The following CHN2 variants were observed in gnomAD, a reference collection of about 807,000 sequenced individuals.
The protein encoded by CHN2 is chimerin 2.
In CHN2, 35 loss-of-function variants were observed where a neutral mutation model predicts 56.3. The ratio of observed to expected loss-of-function variants is 0.62; its 90% CI spans 0.47 to 0.82. The LOEUF (loss-of-function observed/expected upper bound fraction) is 0.82. CHN2 is among the 40% of genes least tolerant of loss of function. The pLI, the probability that CHN2 is intolerant of heterozygous loss-of-function variation, is 0.00. For missense variants in CHN2, 491 were observed against 580.5 expected (o/e 0.85, Z 1.58); for synonymous variants, 210 against 212.8 (o/e 0.99, Z 0.12).
intron 1 of CHN2, among the ~76,000 whole-genome samples, chr7:29,244,843 T>G (rs1031474788): frequency 6.6e-6 from 1 of 152,202 alleles, no homozygotes; most frequent in African/African-American, 2.4e-5. Flanking sequence ...ATAAACCTTC[T>G]AGACCTCAAA....
intron 1 of CHN2, chr7:29,293,003 A>G (rs1343193537): frequency 6.6e-6 from 3 of 456,134 alleles, no homozygotes; most frequent in Non-Finnish European, 1.3e-5. Context: ...TTGCACTCAG[A>G]GCCAGCCTCT....
chr7:29,261,695 A>C (rs1789569506), intron 1 of CHN2, among the ~76,000 whole-genome samples: 1 of 152,228 alleles, frequency 6.6e-6, no homozygotes, highest in Admixed American at 6.5e-5. Context: ...CATTACTGAA[A>C]TTACTTCAAA....
At chr7:29,495,309 A>C (rs1789147723) in intron 7 of CHN2, among the ~76,000 whole-genome samples, 1 of 152,226 alleles carries the variant, frequency 6.6e-6, no homozygotes, top group Non-Finnish European at 1.5e-5. Flanking sequence ...TCAATCAATG[A>C]GACCAGCACT....
intron 2 of CHN2, among the ~76,000 whole-genome samples, chr7:29,153,822 G>A (rs1298723495): frequency 2.6e-5 from 4 of 152,132 alleles, no homozygotes; most frequent in East Asian, 1.9e-4. Context: ...TACCTGCCTC[G>A]GCCTCTCTAA....
rs533863402 is a variant in CHN2, at chr7:29,244,574, G to A, written c.49+49584G>A. Among the ~76,000 whole-genome samples, 15 of 152,312 alleles carry A rather than the reference G, an allele frequency of 9.8e-5. No homozygotes were observed. The South Asian group carries it at 1.7e-3, about 17-fold the overall frequency. Reference sequence around the variant, plus strand: ...ACCTGCACCACCAGGAAGGAGCCCCGATCGATTAGAAATGTCTGCCTTGGG... The same window carrying A: ...ACCTGCACCACCAGGAAGGAGCCCCAATCGATTAGAAATGTCTGCCTTGGG... On this transcript the variant is annotated intron_variant, in intron 1 of 12. Coordinates refer to ENST00000222792, the MANE Select transcript of CHN2 (RefSeq NM_004067.4).
intron 2 of CHN2, among the ~76,000 whole-genome samples, chr7:29,186,135 GCAAATGA>G (rs1382965260): frequency 1.3e-5 from 2 of 152,092 alleles, no homozygotes; most frequent in African/African-American, 4.8e-5. Context: ...CTGCACTCAG[GCAAATGA>G]CTTCTTAGTC....
In CHN2 at chr7:29,512,584, A is replaced by C; in HGVS notation, c.1256A>C (p.Asp419Ala). 6.2e-7 allele frequency: 1 copy of C among 1,612,908 alleles called. No individual in the cohort carries two copies. Among genetic ancestry groups the C allele is most frequent in the South Asian group, 1.1e-5 (1 of 90,712 alleles). Residue 419 changes from aspartate to alanine, a missense_variant, in exon 13 of 13, where the codon GAC becomes GCC. Asp to Ala is a moderately radical substitution (Grantham distance 126, BLOSUM62 -2). Coordinates refer to ENST00000222792, the MANE Select transcript of CHN2 (RefSeq NM_004067.4). Reference sequence around the variant, plus strand: ...TGCAGGGTTACTATGAATGAAAAAGACAATTTCATGAATGCAGAAAATCTG... The same window carrying C: ...TGCAGGGTTACTATGAATGAAAAAGCCAATTTCATGAATGCAGAAAATCTG... The part of the protein sequence containing the change: ...HLKKVTMNEK[D>A]NFMNAENLGI...
At chr7:29,199,717 CAGAGTCTG>C (rs1269834437) in intron 1 of CHN2, 1 of 152,136 alleles carries the variant, frequency 6.6e-6, no homozygotes, top group Non-Finnish European at 1.5e-5. Flanking sequence ...CTGAGTGATA[CAGAGTCTG>C]AGAGGTAAGG....
intron 1 of CHN2, among the ~76,000 whole-genome samples, chr7:29,279,556 G>A (rs540727797): frequency 5.3e-5 from 8 of 152,352 alleles, no homozygotes; most frequent in Admixed American, 2.0e-4. Context: ...CAGAGGTGCT[G>A]TAATAGAGGT....
chr7:29,385,472 T>TC (rs1350627806), intron 3 of CHN2, among the ~76,000 whole-genome samples: 1 of 152,010 alleles, frequency 6.6e-6, no homozygotes, highest in Non-Finnish European at 1.5e-5. Context: ...AGGAATACCC[T>TC]CCCCCGAGTC....
chr7:29,221,818 T>C (rs900887085), intron 1 of CHN2, among the ~76,000 whole-genome samples: 3 of 152,198 alleles, frequency 2.0e-5, no homozygotes, highest in Admixed American at 2.0e-4. Flanking sequence ...TGCATAGTAT[T>C]CCATGGTGTA....
chr7:29,512,907 C>A lies in CHN2; in HGVS notation c.*172C>A. The A allele has an allele frequency of 1.6e-6, 1 of 627,642 alleles. No individual in the cohort carries two copies. Among genetic ancestry groups the A allele is most frequent in the Non-Finnish European group, 2.6e-6 (1 of 379,290 alleles). The allele number at this position is 627,642 out of a possible 1,614,324, so 38.9% of individuals were successfully genotyped here. On this transcript the variant is annotated 3_prime_UTR_variant, in exon 13 of 13. Coordinates refer to ENST00000222792, the MANE Select transcript of CHN2 (RefSeq NM_004067.4). ...GTCTCATAGACATGCGCCACCTCCA[C>A]GTGAGAACAAGGGTGAAGGTGAGGG... is the stretch of plus-strand genomic sequence containing the variant.
At chr7:29,213,107 C>T (rs1785080079) in intron 1 of CHN2, 9 of 1,597,256 alleles carry the variant, frequency 5.6e-6, no homozygotes, top group Admixed American at 1.7e-5. Flanking sequence ...TTGGAAGCTG[C>T]AGGGGAAGGC....
At chr7:29,400,473 T>C in intron 5 of CHN2, 70 bp from the exon 6 acceptor site, 2 of 1,471,502 alleles carry the variant, frequency 1.4e-6, no homozygotes, top group Non-Finnish European at 1.9e-6. Flanking sequence ...AAACGTTAGC[T>C]GCTATTGTTA....
Position 29,442,934 on chromosome 7 carries a change from C to CTTTT in CHN2, c.577-37331_577-37328dup, listed in dbSNP as rs541792526. On this transcript the variant is annotated intron_variant, in intron 6 of 12. Coordinates refer to ENST00000222792, the MANE Select transcript of CHN2 (RefSeq NM_004067.4). ...CATCGCTTTCAATTTCATTGAATTT[C>CTTTT]TTTTTTTTTTTTTTTTTGAGACGGA... Among the ~76,000 whole-genome samples the CTTTT allele has an allele frequency of 4.4e-3, 453 of 102,894 alleles. 81 individuals are homozygous for CTTTT. The highest frequency in any genetic ancestry group is 0.019 in the African/African-American group (401 of 21,020). 67.5% of individuals were successfully genotyped at this position (102,894 alleles called of 152,430 possible).
intron 1 of CHN2, among the ~76,000 whole-genome samples, chr7:29,351,311 ATTTGTTTTGT>A (rs55748610): frequency 6.6e-6 from 1 of 151,428 alleles, no homozygotes; most frequent in Non-Finnish European, 1.5e-5. Context: ...CATTTAATAC[ATTTGTTTTGT>A]TTTGTTTTGT....
intron 1 of CHN2, among the ~76,000 whole-genome samples, chr7:29,282,146 T>C (rs532040268): frequency 3.7e-4 from 57 of 152,334 alleles, no homozygotes; most frequent in African/African-American, 1.3e-3. Flanking sequence ...TGCTACTGGT[T>C]CTTCTGTTTG....
At chr7:29,327,266 T>C (rs1795880140) in intron 1 of CHN2, among the ~76,000 whole-genome samples, 3 of 152,170 alleles carry the variant, frequency 2.0e-5, no homozygotes. Context: ...TTGGGAACTT[T>C]TTAAACATGC....
At chr7:29,226,164 C>A (rs973687508) in intron 1 of CHN2, among the ~76,000 whole-genome samples, 2 of 152,016 alleles carry the variant, frequency 1.3e-5, no homozygotes, top group African/African-American at 4.8e-5. Context: ...CAATTGATTG[C>A]CTGTAGTGTT....
Sources: gnomAD v4.1 joint callset for allele counts (sites outside exome capture counted in the v4.1 genomes callset) on GRCh38, gnomAD v4.1.1 for gene constraint, MANE v1.5 for transcripts, NCBI Gene and HGNC (gene_info 2026-07-23, HGNC 2026-07-21) for gene names.